RAB5B: variants seen among roughly 807,000 people sequenced by gnomAD.
The protein encoded by RAB5B is ras-related protein Rab-5B.
In RAB5B, 11 loss-of-function variants were observed where a neutral mutation model predicts 28.6. That is an observed-to-expected ratio of 0.38 (90% CI 0.24 to 0.64). The LOEUF is 0.64. Among genes scored for constraint, RAB5B ranks in the 30% least tolerant of loss-of-function variants. RAB5B has a pLI of 0.53. For missense variants in RAB5B, 169 were observed against 265.6 expected, an observed-to-expected ratio of 0.64 and a Z score of 2.53; for synonymous variants, 93 against 97.9, an observed-to-expected ratio of 0.95 and a Z score of 0.29.
intron 1 of RAB5B, chr12:55,980,428 C>T: frequency 6.3e-7 from 1 of 1,582,098 alleles, no homozygotes; most frequent in East Asian, 2.2e-5. Context: ...GTCCTCAGCT[C>T]AGGGAGCACT....
At chr12:55,978,801 C>T (rs1010550372) in intron 1 of RAB5B, among the ~76,000 whole-genome samples, 32 of 120,688 alleles carry the variant, frequency 2.7e-4, no homozygotes, top group Middle Eastern at 0.012. Flanking sequence ...GAGACGGATT[C>T]TTGCTTTGCT....
At chr12:55,979,776 C>CG (rs1255609469) in intron 1 of RAB5B, among the ~76,000 whole-genome samples, 6 of 152,144 alleles carry the variant, frequency 3.9e-5, no homozygotes, top group Non-Finnish European at 5.9e-5. Context: ...GGCAGGAACT[C>CG]TATCCAGTCT....
intron 5 of RAB5B, 89 bp from the exon 6 acceptor site, chr12:55,992,008 C>T: frequency 1.1e-6 from 1 of 908,748 alleles, no homozygotes; most frequent in Non-Finnish European, 1.7e-6. Context: ...CCCTTTTCCC[C>T]AATTCAGTAG....
chr12:55,975,153 T>C (rs1889610649), intron 1 of RAB5B, among the ~76,000 whole-genome samples: 1 of 152,176 alleles, frequency 6.6e-6, no homozygotes, highest in African/African-American at 2.4e-5. Flanking sequence ...TTCATATCTA[T>C]TTCATTATCT....
intron 2 of RAB5B, among the ~76,000 whole-genome samples, chr12:55,987,758 G>C (rs1376865265): frequency 4.0e-5 from 6 of 151,700 alleles, no homozygotes; most frequent in Admixed American, 6.6e-5. Flanking sequence ...TTGAACCCAG[G>C]GGGCAGAGGT....
chr12:55,978,774 CTTT>C (rs35830890), intron 1 of RAB5B, among the ~76,000 whole-genome samples: 6 of 136,516 alleles, frequency 4.4e-5, no homozygotes, highest in Admixed American at 7.3e-5. Context: ...GAAATACAGT[CTTT>C]TTTTTTTTTT....
intron 1 of RAB5B, among the ~76,000 whole-genome samples, chr12:55,978,098 A>T (rs1175808636): frequency 6.6e-6 from 1 of 152,258 alleles, no homozygotes; most frequent in Admixed American, 6.5e-5. Flanking sequence ...CAGTTAGCCC[A>T]TGCGAGTTGC....
chr12:55,978,483 G>A (rs1413690487), intron 1 of RAB5B, among the ~76,000 whole-genome samples: 1 of 151,518 alleles, frequency 6.6e-6, no homozygotes, highest in African/African-American at 2.4e-5. Context: ...CAGCCTGGGC[G>A]ACTGAGCAAG....
At chr12:55,976,834 T>C (rs1020831218) in intron 1 of RAB5B, among the ~76,000 whole-genome samples, 5 of 152,160 alleles carry the variant, frequency 3.3e-5, no homozygotes, top group African/African-American at 1.2e-4. Context: ...ACTACCACCT[T>C]ATTAATTGAA....
chr12:55,989,622 A>G (rs542128445), intron 2 of RAB5B, among the ~76,000 whole-genome samples: 11 of 152,180 alleles, frequency 7.2e-5, no homozygotes, highest in African/African-American at 2.4e-4. Context: ...ATCTGAAGCT[A>G]TTTTCTCTGT....
chr12:55,974,870 TGTG>T (rs1393242111), intron 1 of RAB5B, among the ~76,000 whole-genome samples: 1 of 152,028 alleles, frequency 6.6e-6, no homozygotes, highest in Non-Finnish European at 1.5e-5. Flanking sequence ...AGTGTTTAGA[TGTG>T]GTAATTTGAA....
At chr12:55,989,866 GT>G in intron 2 of RAB5B, 80 bp from the exon 3 acceptor site, 1 of 1,502,672 alleles carries the variant, frequency 6.7e-7, no homozygotes, top group Non-Finnish European at 9.2e-7. Flanking sequence ...GTGTAGGGCA[GT>G]TACATTTTGA....
At chr12:55,988,376 A>G (rs1890014815) in intron 2 of RAB5B, among the ~76,000 whole-genome samples, 1 of 152,196 alleles carries the variant, frequency 6.6e-6, no homozygotes, top group Admixed American at 6.6e-5. Flanking sequence ...ACTAATGCAA[A>G]ATACAAAGGG....
intron 1 of RAB5B, chr12:55,981,018 C>T (rs1403249783): frequency 3.1e-6 from 5 of 1,613,958 alleles, no homozygotes; most frequent in South Asian, 2.2e-5. Context: ...AAGAGGTGGT[C>T]GTAGGCTTTG....
At chr12:55,974,929 T>C (rs892713502) in intron 1 of RAB5B, among the ~76,000 whole-genome samples, 1 of 152,088 alleles carries the variant, frequency 6.6e-6, no homozygotes, top group Non-Finnish European at 1.5e-5. Context: ...AAGTAATTTT[T>C]TTTTTTCCAT....
intron 3 of RAB5B, chr12:55,990,300 C>T (rs1016559461): frequency 2.4e-5 from 13 of 531,380 alleles, no homozygotes; most frequent in Admixed American, 1.4e-4. Context: ...CCCAGCTACT[C>T]GGGAGGCTGA....
rs1023375689 is a variant in RAB5B, at chr12:55,991,549, T to G, written c.532+96T>G. On this transcript the variant is annotated intron_variant, in intron 5 of 5. Coordinates refer to ENST00000360299, the MANE Select transcript of RAB5B (RefSeq NM_002868.4). ...AAGGATAGGTGCGAGTATCTCCTTT[T>G]GCAAAAACTTTAGGTATGGAAATAC... is the stretch of plus-strand genomic sequence containing the variant. 6 of 999,016 alleles carry G rather than the reference T, an allele frequency of 6.0e-6. No homozygotes were observed. In the African/African-American group the frequency reaches 9.6e-5, roughly 16 times the overall value. 61.9% of individuals were successfully genotyped at this position (999,016 alleles called of 1,614,324 possible).
At chr12:55,990,901 A>G in intron 4 of RAB5B, 97 bp downstream of exon 4, 1 of 1,465,430 alleles carries the variant, frequency 6.8e-7, no homozygotes, top group South Asian at 1.2e-5. Context: ...AACAGAGGAC[A>G]TTCATTGTCT....
rs1192724543 is a variant in RAB5B at position 55,993,687 on chromosome 12, C to T, written c.*1475C>T. ...AATATCTTGAATTTAGTCCCTCCATCCTTAATCCCCCCATCCCTCCCCATC... is the reference window on the plus strand; with the variant it reads ...AATATCTTGAATTTAGTCCCTCCATTCTTAATCCCCCCATCCCTCCCCATC... On this transcript the variant is annotated 3_prime_UTR_variant, in exon 6 of 6. Transcript: ENST00000360299. 6.5e-6 allele frequency: 1 copy of T among 152,672 alleles called. No individual in the cohort carries two copies. Among genetic ancestry groups the T allele is most frequent in the Non-Finnish European group, 1.5e-5 (1 of 68,110 alleles). The allele number at this position is 152,672 out of a possible 1,614,324, so 9.5% of individuals were successfully genotyped here.
Sources: gnomAD v4.1 joint callset for allele counts (sites outside exome capture counted in the v4.1 genomes callset) on GRCh38, gnomAD v4.1.1 for gene constraint, MANE v1.5 for transcripts, NCBI Gene and HGNC (gene_info 2026-07-23, HGNC 2026-07-21) for gene names.